Variants in HNF4G observed in about 807,000 individuals in gnomAD.
The protein encoded by HNF4G is hepatocyte nuclear factor 4-gamma.
Under a neutral mutation model 50.9 loss-of-function variants are expected in HNF4G, and 21 were observed. The observed-to-expected ratio is 0.41, with a 90% confidence interval of 0.29 to 0.59. HNF4G has a LOEUF of 0.59. Among genes scored for constraint, HNF4G ranks in the 20% least tolerant of loss-of-function variants. The probability of loss-of-function intolerance (pLI) is 0.26; values close to 1 mark genes in which losing one functional copy is unlikely to be tolerated. For missense variants in HNF4G, 527 were observed against 559.4 expected, an observed-to-expected ratio of 0.94 and a Z score of 0.58; for synonymous variants, 198 against 185.6, an observed-to-expected ratio of 1.07 and a Z score of -0.54.
At chr8:75,510,858 T>C (rs1805732727) in intron 2 of HNF4G, among the ~76,000 whole-genome samples, 1 of 152,278 alleles carries the variant, frequency 6.6e-6, no homozygotes, top group East Asian at 1.9e-4. Flanking sequence ...GGATTCTATG[T>C]AATTAAAAAT....
chr8:75,413,157 G>T lies in HNF4G; in HGVS notation c.-144+4995G>T, dbSNP rs1305426315. 4.6e-5 allele frequency among the ~76,000 whole-genome samples: 7 copies of T among 151,884 alleles called. No homozygotes were observed. The East Asian group carries it at 1.2e-3, about 25-fold the overall frequency. On this transcript the variant is annotated intron_variant, in intron 1 of 10. Transcript: ENST00000354370. ...AACAATATTGAATGTGGGTAACAAG[G>T]ATTGGACAATGTCTGCAAGGCACCG...
chr8:75,468,491 C>T (rs887467394), intron 1 of HNF4G, among the ~76,000 whole-genome samples: 6 of 151,990 alleles, frequency 3.9e-5, no homozygotes, highest in African/African-American at 7.3e-5. Flanking sequence ...GTCAGGAGTT[C>T]GAGACCAGCC....
intron 2 of HNF4G, among the ~76,000 whole-genome samples, chr8:75,519,946 G>T (rs528761304): frequency 4.0e-4 from 61 of 152,076 alleles, no homozygotes; most frequent in Admixed American, 7.9e-4. Flanking sequence ...TTGGATTGAA[G>T]TTGACCATTT....
intron 1 of HNF4G, among the ~76,000 whole-genome samples, chr8:75,456,463 C>A (rs572616295): frequency 2.6e-5 from 4 of 152,150 alleles, no homozygotes; most frequent in Admixed American, 2.6e-4. Context: ...AAGAGTATAA[C>A]TTTTCCTGTG....
At chr8:75,421,062 T>G (rs1389275183) in intron 1 of HNF4G, among the ~76,000 whole-genome samples, 1 of 152,250 alleles carries the variant, frequency 6.6e-6, no homozygotes, top group African/African-American at 2.4e-5. Context: ...AAAGTCACTT[T>G]AATAATCTAT....
At chr8:75,492,753 C>T (rs954001114) in intron 2 of HNF4G, among the ~76,000 whole-genome samples, 28 of 152,254 alleles carry the variant, frequency 1.8e-4, no homozygotes, top group African/African-American at 6.7e-4. Flanking sequence ...TACACAGTGG[C>T]TCATCCTACC....
chr8:75,441,146 T>C (rs1811271592), intron 1 of HNF4G, among the ~76,000 whole-genome samples: 1 of 152,166 alleles, frequency 6.6e-6, no homozygotes, highest in African/African-American at 2.4e-5. Flanking sequence ...TGTATGTGTG[T>C]TTTTTAGAGT....
chr8:75,413,871 A>T (rs10108565), intron 1 of HNF4G, among the ~76,000 whole-genome samples: 71,779 of 151,804 alleles, frequency 0.47, 17,360 homozygotes, highest in Middle Eastern at 0.56. Flanking sequence ...ATTTAAAAAA[A>T]AATAAAAAAA....
rs548125507 is a variant in HNF4G, at chr8:75,423,815, CTTTTTTTTTTTTTT to C, written c.-144+15667_-144+15680del. On this transcript the variant is annotated intron_variant, in intron 1 of 10. Coordinates refer to the HNF4G transcript ENST00000354370. ...TTGAAACTTTCTGCCAAGTTTCTTTCTTTTTTTTTTTTTTTTTTTTTTTTTTTGATAAGGAGTCT... is the reference window on the plus strand; with the variant it reads ...TTGAAACTTTCTGCCAAGTTTCTTTCTTTTTTTTTTTTTGATAAGGAGTCT... Among the ~76,000 whole-genome samples, 9 of 71,214 alleles carry C rather than the reference CTTTTTTTTTTTTTT, an allele frequency of 1.3e-4. No individual in the cohort carries two copies. The East Asian group carries it at 3.7e-3, about 29-fold the overall frequency. 46.7% of individuals were successfully genotyped at this position (71,214 alleles called of 152,430 possible).
At chr8:75,535,144 T>C (rs1806429019), upstream of HNF4G, among the ~76,000 whole-genome samples, 1 of 151,760 alleles carries the variant, frequency 6.6e-6, no homozygotes. Context: ...TCTTTGGAAA[T>C]AGAATCCCAT....
chr8:75,519,394 A>G (rs368305774), intron 2 of HNF4G, among the ~76,000 whole-genome samples: 2 of 152,166 alleles, frequency 1.3e-5, no homozygotes, highest in East Asian at 3.9e-4. Context: ...AGTCAGTTCT[A>G]CATTTCAGGT....
intron 1 of HNF4G, among the ~76,000 whole-genome samples, chr8:75,444,165 A>G (rs1811362911): frequency 6.6e-6 from 1 of 151,886 alleles, no homozygotes; most frequent in African/African-American, 2.4e-5. Flanking sequence ...AGAATTTCAT[A>G]TCCAGCCAAA....
intron 6 of HNF4G, 85 bp from the exon 7 acceptor site, chr8:75,558,433 G>T: frequency 1.6e-6 from 2 of 1,246,358 alleles, no homozygotes; most frequent in Non-Finnish European, 2.2e-6. Flanking sequence ...TTTAAACACC[G>T]GTTTGTTAAA....
intron 1 of HNF4G, among the ~76,000 whole-genome samples, chr8:75,456,251 CAGAAA>C (rs1263629455): frequency 2.0e-5 from 3 of 151,876 alleles, no homozygotes; most frequent in African/African-American, 4.8e-5. Flanking sequence ...AAGAAACAAA[CAGAAA>C]AGAAGAGAAT....
intron 1 of HNF4G, among the ~76,000 whole-genome samples, chr8:75,488,148 C>T (rs767878923): frequency 6.6e-6 from 1 of 152,100 alleles, no homozygotes; most frequent in African/African-American, 2.4e-5. Context: ...GGGTAGGAAC[C>T]ATGCTTTATA....
At chr8:75,488,880 C>T (rs890650180) in intron 1 of HNF4G, among the ~76,000 whole-genome samples, 18 of 152,132 alleles carry the variant, frequency 1.2e-4, no homozygotes, top group Admixed American at 8.5e-4. Flanking sequence ...AAGCAGAAAA[C>T]ACTTCAGGAG....
chr8:75,524,578 A>G (rs566138686), intron 2 of HNF4G, among the ~76,000 whole-genome samples: 21 of 152,338 alleles, frequency 1.4e-4, no homozygotes, highest in Admixed American at 1.4e-3. Flanking sequence ...ATTATAAAAT[A>G]AGTATTTTAA....
At chr8:75,484,980 A>G (rs1812466350) in intron 1 of HNF4G, among the ~76,000 whole-genome samples, 1 of 152,204 alleles carries the variant, frequency 6.6e-6, no homozygotes, top group East Asian at 1.9e-4. Context: ...ACGTCTCTGA[A>G]TGTTGTGCAC....
chr8:75,414,065 A>T (rs949328443), intron 1 of HNF4G, among the ~76,000 whole-genome samples: 3 of 152,098 alleles, frequency 2.0e-5, no homozygotes, highest in Admixed American at 2.0e-4. Flanking sequence ...CATGTGCTTC[A>T]GTGAGTTTTG....
Sources: allele counts gnomAD v4.1 joint callset (sites outside exome capture counted in the v4.1 genomes callset), GRCh38; gene constraint gnomAD v4.1.1; transcripts MANE v1.5; gene names NCBI Gene and HGNC (gene_info 2026-07-23, HGNC 2026-07-21).